The following AIF1L variants were observed in gnomAD, a reference collection of about 807,000 sequenced individuals.
AIF1L encodes the protein allograft inflammatory factor 1 like, also known as allograft inflammatory factor 1-like.
Under a neutral mutation model 20.7 loss-of-function variants are expected in AIF1L, and 12 were observed. The ratio of observed to expected loss-of-function variants is 0.58; its 90% CI spans 0.37 to 0.94. The LOEUF (loss-of-function observed/expected upper bound fraction) is 0.94, where lower values mean the gene tolerates loss of function less well. Ranked by LOEUF, AIF1L falls within the 40% of genes least tolerant of loss-of-function variation. The pLI is 0.01. For synonymous variants in AIF1L, 76 were observed against 65.1 expected (o/e 1.17, Z -0.81); for missense variants, 173 against 185.3 (o/e 0.93, Z 0.39).
rs753298764 is a variant in AIF1L, at chr9:131,120,429, G to A, written c.*107G>A. 246 of 969,072 alleles carry A rather than the reference G, an allele frequency of 2.5e-4. No individual in the cohort carries two copies. The highest frequency in any genetic ancestry group is 3.5e-4 in the Non-Finnish European group (230 of 661,068). 60.0% of individuals were successfully genotyped at this position (969,072 alleles called of 1,614,324 possible). A position where few individuals can be genotyped will look rare whatever the true frequency, so the allele number is the denominator to read the frequency against. Reference sequence around the variant, plus strand: ...TCTCTCTCTCATTTGTTTGGTCATTGAGGGTTTGTTTGTGTTTTCATCAAT... The same window carrying A: ...TCTCTCTCTCATTTGTTTGGTCATTAAGGGTTTGTTTGTGTTTTCATCAAT... On this transcript the variant is annotated 3_prime_UTR_variant, in exon 6 of 6. Transcript: ENST00000247291.
chr9:131,096,657 C>A lies in AIF1L; in HGVS notation c.28C>A (p.Gln10Lys). 6.7e-7 allele frequency: 1 copy of A among 1,482,054 alleles called. No homozygotes were observed. The highest frequency in any genetic ancestry group is 8.9e-7 in the Non-Finnish European group (1 of 1,124,074). The allele number at this position is 1,482,054 out of a possible 1,614,324, so 91.8% of individuals were successfully genotyped here. A position where few individuals can be genotyped will look rare whatever the true frequency, so the allele number is the denominator to read the frequency against. Residue 10 changes from glutamine to lysine, a missense_variant, in exon 1 of 6, where the codon CAA becomes AAA. Gln to Lys is a moderately conservative substitution (Grantham distance 53). Coordinates refer to ENST00000247291, the MANE Select transcript of AIF1L (RefSeq NM_031426.4). MSGELSNRFQGGKAFGLLKA... is the reference protein window; with the variant it reads MSGELSNRFKGGKAFGLLKA... ...GTCGGGCGAGCTCAGCAACAGGTTC[C>A]AAGGTAGGCGCCGCCGTCCCCGAGC...
At position 131,120,412 on chromosome 9, in the gene AIF1L, T is replaced by C; in HGVS notation, c.*90T>C. 1 of 1,072,994 alleles carries C rather than the reference T, an allele frequency of 9.3e-7. No homozygotes were observed. Among genetic ancestry groups the C allele is most frequent in the Admixed American group, 2.7e-5 (1 of 36,674 alleles). 66.5% of individuals were successfully genotyped at this position (1,072,994 alleles called of 1,614,324 possible). A position where few individuals can be genotyped will look rare whatever the true frequency, so the allele number is the denominator to read the frequency against. ...TGACACACTGTGATCTCTCTCTCTC[T>C]CATTTGTTTGGTCATTGAGGGTTTG... is the stretch of plus-strand genomic sequence containing the variant. On this transcript the variant is annotated 3_prime_UTR_variant, in exon 6 of 6. Coordinates refer to ENST00000247291, the MANE Select transcript of AIF1L (RefSeq NM_031426.4).
At chr9:131,102,297 G>A (rs1830657469) in intron 2 of AIF1L, among the ~76,000 whole-genome samples, 1 of 152,134 alleles carries the variant, frequency 6.6e-6, no homozygotes, top group Admixed American at 6.5e-5. Context: ...GCCCAGGGGT[G>A]TATATATCCC....
rs970327161 is a variant in AIF1L, at chr9:131,121,951, C to G, written c.*1629C>G. 1 of 152,270 alleles carries G rather than the reference C, an allele frequency of 6.6e-6. No homozygotes were observed. The highest frequency in any genetic ancestry group is 1.5e-5 in the Non-Finnish European group (1 of 68,060). 9.4% of individuals were successfully genotyped at this position (152,270 alleles called of 1,614,324 possible). ...AGGACTGAGACAGTTATTCACTGAA[C>G]ATATTTATTAAGCACTTGCTGTAGG... On this transcript the variant is annotated 3_prime_UTR_variant, in exon 6 of 6. Transcript: ENST00000247291.
chr9:131,097,438 G>T (rs1336927742), intron 2 of AIF1L, among the ~76,000 whole-genome samples: 7 of 151,598 alleles, frequency 4.6e-5, no homozygotes, highest in African/African-American at 1.7e-4. Flanking sequence ...ACTCTGATGG[G>T]CGTAGAGATC....
At chr9:131,104,813 G>T (rs1350636977) in intron 2 of AIF1L, among the ~76,000 whole-genome samples, 1 of 151,928 alleles carries the variant, frequency 6.6e-6, no homozygotes, top group Non-Finnish European at 1.5e-5. Context: ...TGGGCGGACT[G>T]CTTGGGCCCA....
intron 4 of AIF1L, among the ~76,000 whole-genome samples, chr9:131,115,675 C>A (rs1163820765): frequency 7.1e-6 from 1 of 141,476 alleles, no homozygotes; most frequent in African/African-American, 2.6e-5. Flanking sequence ...TTTTTTTTTT[C>A]TTTAGAAAGA....
chr9:131,114,700 G>A (rs1377978224), intron 4 of AIF1L, 82 bp downstream of exon 4: 5 of 1,542,210 alleles, frequency 3.2e-6, no homozygotes, highest in Non-Finnish European at 4.5e-6. Flanking sequence ...CGGGTGAGGG[G>A]CATGGGGCAG....
intron 3 of AIF1L, 135 bp from the exon 4 acceptor site, chr9:131,114,442 C>G: frequency 2.1e-6 from 2 of 967,974 alleles, no homozygotes; most frequent in Non-Finnish European, 3.3e-6. Context: ...GGACTCAGGT[C>G]AAGACCCTTG....
chr9:131,123,006 G>C lies in AIF1L; in HGVS notation c.*2684G>C, dbSNP rs1043306667. ...TAACCAGTAACGTGAGGACTGCCAA[G>C]TATGGCTTTGTCCCTATGACTCAGA... On this transcript the variant is annotated 3_prime_UTR_variant, in exon 6 of 6. Coordinates refer to ENST00000247291, the MANE Select transcript of AIF1L (RefSeq NM_031426.4). 2 of 152,404 alleles carry C rather than the reference G, an allele frequency of 1.3e-5. No homozygotes were observed. Among genetic ancestry groups the C allele is most frequent in the Non-Finnish European group, 2.9e-5 (2 of 68,098 alleles). The allele number at this position is 152,404 out of a possible 1,614,324, so 9.4% of individuals were successfully genotyped here. A position where few individuals can be genotyped will look rare whatever the true frequency, so the allele number is the denominator to read the frequency against.
chr9:131,112,546 C>T (rs921720951), intron 3 of AIF1L: 1 of 152,258 alleles, frequency 6.6e-6, no homozygotes, highest in Non-Finnish European at 1.5e-5. Context: ...CCACATCACC[C>T]CAATCGGCCT....
In AIF1L at chr9:131,111,602, T is replaced by C. The variant is rs1240403793; in HGVS notation, c.99T>C (p.Phe33=). 3.1e-6 allele frequency: 5 copies of C among 1,613,956 alleles called. No individual in the cohort carries two copies. Among genetic ancestry groups the C allele is most frequent in the Non-Finnish European group, 4.2e-6 (5 of 1,179,900 alleles). ...CTGTCCTCTCACCTCTGTAGGAGTT[T>C]CTGTGTGACCAGAAGTACAGTGATG... ...ERRLAEINRE[F]LCDQKYSDEE... The change falls in exon 3 of 6, where the codon TTT becomes TTC. Residue 33 remains phenylalanine (F), a synonymous_variant. Transcript: ENST00000247291.
At position 131,122,656 on chromosome 9, in the gene AIF1L, A is replaced by G. The variant is rs1831166123; in HGVS notation, c.*2334A>G. 6.6e-6 allele frequency: 1 copy of G among 152,202 alleles called. No individual in the cohort carries two copies. Among genetic ancestry groups the G allele is most frequent in the South Asian group, 2.1e-4 (1 of 4,826 alleles). The allele number at this position is 152,202 out of a possible 1,614,324, so 9.4% of individuals were successfully genotyped here. A position where few individuals can be genotyped will look rare whatever the true frequency, so the allele number is the denominator to read the frequency against. On this transcript the variant is annotated 3_prime_UTR_variant, in exon 6 of 6. Transcript: ENST00000247291. Reference sequence around the variant, plus strand: ...TCAGGCTTATTTCAGTAAGTTCCACAGTTCTACAAGACTGCAGGAATTCTC... The same window carrying G: ...TCAGGCTTATTTCAGTAAGTTCCACGGTTCTACAAGACTGCAGGAATTCTC...
chr9:131,100,024 G>A (rs975185013), intron 2 of AIF1L, among the ~76,000 whole-genome samples: 9 of 151,856 alleles, frequency 5.9e-5, no homozygotes, highest in African/African-American at 1.2e-4. Context: ...ACCCCACCCC[G>A]CCCAAATTTA....
rs1242583549 is a variant in AIF1L at position 131,121,644 on chromosome 9, T to A, written c.*1322T>A. On this transcript the variant is annotated 3_prime_UTR_variant, in exon 6 of 6. Coordinates refer to ENST00000247291, the MANE Select transcript of AIF1L (RefSeq NM_031426.4). ...GACCCTGCCTACACCTCATTTCCAG[T>A]GTGGGCTGCCTTAGTTAGTTATGAG... is the stretch of plus-strand genomic sequence containing the variant. The A allele has an allele frequency of 1.3e-5, 2 of 152,838 alleles. No homozygotes were observed. The highest frequency in any genetic ancestry group is 2.9e-5 in the Non-Finnish European group (2 of 68,196). 9.5% of individuals were successfully genotyped at this position (152,838 alleles called of 1,614,324 possible).
chr9:131,097,570 T>C (rs1483056782), intron 2 of AIF1L, among the ~76,000 whole-genome samples: 1 of 152,238 alleles, frequency 6.6e-6, no homozygotes, highest in Non-Finnish European at 1.5e-5. Flanking sequence ...TCCTGGTGGA[T>C]TTCTCAAAAG....
At chr9:131,096,961 C>T (rs1207963292) in intron 2 of AIF1L, 98 bp downstream of exon 2, 6 of 1,292,876 alleles carry the variant, frequency 4.6e-6, no homozygotes, top group African/African-American at 3.2e-5. Flanking sequence ...CCAGATCTAC[C>T]CTCTTCCTTC....
chr9:131,101,701 G>A (rs545630790), intron 2 of AIF1L, among the ~76,000 whole-genome samples: 77 of 152,154 alleles, frequency 5.1e-4, no homozygotes, highest in Non-Finnish European at 8.4e-4. Context: ...TCACCTGCAA[G>A]GTCACCCAGC....
Position 131,117,752 on chromosome 9 carries a change from G to A in AIF1L, c.203-4G>A, listed in dbSNP as rs781045219. 3 of 1,605,214 alleles carry A rather than the reference G, an allele frequency of 1.9e-6. No homozygotes were observed. In the East Asian group the frequency reaches 6.7e-5, roughly 36 times the overall value. On this transcript the variant is annotated splice_region_variant and splice_polypyrimidine_tract_variant and intron_variant, in intron 4 of 5. Transcript: ENST00000247291. The stretch of plus-strand genomic sequence containing the variant: ...ACTTAACAGATCTGCTTTTCCCCCG[G>A]CAGACCTGATGTCTTTAAAGAGGAT...
Sources: allele counts gnomAD v4.1 joint callset (sites outside exome capture counted in the v4.1 genomes callset), GRCh38; gene constraint gnomAD v4.1.1; transcripts MANE v1.5; gene names NCBI Gene and HGNC (gene_info 2026-07-23, HGNC 2026-07-21).